SCAI: variants seen among roughly 807,000 people sequenced by gnomAD.
The protein encoded by SCAI is protein SCAI.
A neutral mutation model predicts 92.2 loss-of-function variants in SCAI; 24 were observed. That is an observed-to-expected ratio of 0.26 (90% CI 0.19 to 0.37). The LOEUF (loss-of-function observed/expected upper bound fraction) is 0.37, where lower values mean the gene tolerates loss of function less well. SCAI is among the 10% of genes least tolerant of loss of function. SCAI has a pLI of 1.00. For synonymous variants in SCAI, 261 were observed against 258.6 expected (o/e 1.01, Z -0.09); for missense variants, 450 against 736.2 (o/e 0.61, Z 4.50).
At chr9:124,998,069 T>C (rs1226219268) in intron 13 of SCAI, among the ~76,000 whole-genome samples, 1 of 152,098 alleles carries the variant, frequency 6.6e-6, no homozygotes. Flanking sequence ...CCTCCTAAAA[T>C]GTTGGGATCA....
chr9:124,965,201 G>A (rs1831514661), intron 17 of SCAI, among the ~76,000 whole-genome samples: 1 of 151,918 alleles, frequency 6.6e-6, no homozygotes, highest in African/African-American at 2.4e-5. Context: ...TAATGAGTTT[G>A]CTTTTTCTCA....
chr9:125,111,248 GA>G (rs1230918228), intron 2 of SCAI, among the ~76,000 whole-genome samples: 5 of 151,152 alleles, frequency 3.3e-5, no homozygotes, highest in East Asian at 3.9e-4. Flanking sequence ...ACATTAGAAG[GA>G]AAAAAAGAGA....
intron 2 of SCAI, among the ~76,000 whole-genome samples, chr9:125,106,038 A>G (rs1834771822): frequency 7.3e-6 from 1 of 137,638 alleles, no homozygotes; most frequent in Non-Finnish European, 1.5e-5. Flanking sequence ...CGGAGGTTGC[A>G]GTGAGCCAAG....
intron 3 of SCAI, among the ~76,000 whole-genome samples, chr9:125,040,326 A>G (rs907312554): frequency 3.3e-5 from 5 of 152,248 alleles, no homozygotes; most frequent in Non-Finnish European, 7.4e-5. Context: ...GTGCCACTGC[A>G]CTCCAGCCTG....
chr9:125,059,292 C>A, intron 2 of SCAI, among the ~76,000 whole-genome samples: 1 of 152,138 alleles, frequency 6.6e-6, no homozygotes, highest in East Asian at 1.9e-4. Flanking sequence ...CTGTAATCTT[C>A]AAAAATGTCA....
intron 2 of SCAI, among the ~76,000 whole-genome samples, chr9:125,086,401 C>T (rs2131188673): frequency 6.6e-6 from 1 of 152,290 alleles, no homozygotes; most frequent in South Asian, 2.1e-4. Flanking sequence ...GTGACTGAGG[C>T]AGGGACTTGA....
chr9:125,067,767 A>G (rs889736362), intron 2 of SCAI, among the ~76,000 whole-genome samples: 3 of 152,242 alleles, frequency 2.0e-5, no homozygotes, highest in Non-Finnish European at 4.4e-5. Flanking sequence ...AAACTAATAC[A>G]TAGATACATA....
chr9:125,043,396 G>A (rs778287894), intron 3 of SCAI, among the ~76,000 whole-genome samples: 8 of 152,234 alleles, frequency 5.3e-5, no homozygotes, highest in Non-Finnish European at 1.2e-4. Flanking sequence ...TCAAAGCCCA[G>A]TTGAGCATTT....
At chr9:124,986,540 G>A (rs747430532) in intron 14 of SCAI, among the ~76,000 whole-genome samples, 6 of 152,184 alleles carry the variant, frequency 3.9e-5, no homozygotes, top group Non-Finnish European at 8.8e-5. Context: ...AGGACACAGT[G>A]TGAATGTCTA....
At chr9:125,002,106 T>G in intron 11 of SCAI, 63 bp from the exon 12 acceptor site, 1 of 1,139,264 alleles carries the variant, frequency 8.8e-7, no homozygotes, top group African/African-American at 1.5e-5. Context: ...TGGTTTTATT[T>G]AAAGTTCATG....
Position 125,098,902 on chromosome 9 carries a change from A to G in SCAI, c.99-42895T>C, listed in dbSNP as rs190737904. Reference sequence around the variant, plus strand: ...TGTATGTGCCCTTATCCCTTAATCAACAAGAACATCTACGACATCAAAATT... The same window carrying G: ...TGTATGTGCCCTTATCCCTTAATCAGCAAGAACATCTACGACATCAAAATT... On this transcript the variant is annotated intron_variant, in intron 2 of 17. Coordinates refer to ENST00000336505, the MANE Select transcript of SCAI (RefSeq NM_001144877.3). Among the ~76,000 whole-genome samples, 3 of 152,256 alleles carry G rather than the reference A, an allele frequency of 2.0e-5. No individual in the cohort carries two copies. In the East Asian group the frequency reaches 5.8e-4, roughly 29 times the overall value.
intron 2 of SCAI, among the ~76,000 whole-genome samples, chr9:125,077,497 C>T (rs1834114640): frequency 6.6e-6 from 1 of 152,148 alleles, no homozygotes; most frequent in Non-Finnish European, 1.5e-5. Context: ...TCTGACAACT[C>T]TATATTAACC....
intron 3 of SCAI, among the ~76,000 whole-genome samples, chr9:125,048,205 T>C (rs1833485666): frequency 6.6e-6 from 1 of 152,122 alleles, no homozygotes. Flanking sequence ...CTCAAATTCC[T>C]AACCTCAAGT....
chr9:125,136,115 CTT>C (rs200355256), intron 2 of SCAI, among the ~76,000 whole-genome samples: 39 of 141,946 alleles, frequency 2.7e-4, no homozygotes, highest in Admixed American at 2.8e-4. Flanking sequence ...ATTAACTTAC[CTT>C]TTTTTTTTTT....
chr9:125,065,989 C>T (rs745471162), intron 2 of SCAI: 1 of 768,076 alleles, frequency 1.3e-6, no homozygotes, highest in Non-Finnish European at 2.4e-6. Context: ...AAAAATCATA[C>T]TTTTCAGTGA....
At chr9:124,967,141 G>A (rs1831557007) in intron 17 of SCAI, among the ~76,000 whole-genome samples, 1 of 152,054 alleles carries the variant, frequency 6.6e-6, no homozygotes, top group African/African-American at 2.4e-5. Flanking sequence ...TGGTATAATA[G>A]GCTTAACCCA....
intron 9 of SCAI, among the ~76,000 whole-genome samples, chr9:125,006,946 C>T (rs1027969302): frequency 1.3e-5 from 2 of 152,034 alleles, no homozygotes; most frequent in African/African-American, 4.8e-5. Context: ...TGGTGAAACC[C>T]CATCTCTACT....
At chr9:125,078,993 T>G (rs1200002312) in intron 2 of SCAI, among the ~76,000 whole-genome samples, 1 of 152,220 alleles carries the variant, frequency 6.6e-6, no homozygotes, top group African/African-American at 2.4e-5. Flanking sequence ...AATAAGCTTG[T>G]CTTGCAATTG....
chr9:124,989,957 C>G (rs1832084386), intron 14 of SCAI, among the ~76,000 whole-genome samples: 1 of 151,792 alleles, frequency 6.6e-6, no homozygotes, highest in Non-Finnish European at 1.5e-5. Flanking sequence ...GGTGAATCAT[C>G]TGAGCTCAGG....
Sources: gnomAD v4.1 joint callset for allele counts (sites outside exome capture counted in the v4.1 genomes callset) on GRCh38, gnomAD v4.1.1 for gene constraint, MANE v1.5 for transcripts, NCBI Gene and HGNC (gene_info 2026-07-23, HGNC 2026-07-21) for gene names.